The following SORCS1 variants were observed in gnomAD, a reference collection of about 807,000 sequenced individuals.
The protein encoded by SORCS1 is VPS10 domain-containing receptor SorCS1.
Under a neutral mutation model 146.1 loss-of-function variants are expected in SORCS1, and 60 were observed. The observed-to-expected ratio is 0.41, with a 90% confidence interval of 0.33 to 0.51. The LOEUF (loss-of-function observed/expected upper bound fraction) is 0.51, where lower values mean the gene tolerates loss of function less well. Ranked by LOEUF, SORCS1 falls within the 20% of genes least tolerant of loss-of-function variation. The pLI is 0.21. For synonymous variants in SORCS1, 637 were observed against 584.0 expected (o/e 1.09, Z -1.31); for missense variants, 1,352 against 1,487.6 (o/e 0.91, Z 1.50).
At position 106,576,927 on chromosome 10, in the gene SORCS1, A is replaced by G; in HGVS notation, c.*493T>C. On this transcript the variant is annotated 3_prime_UTR_variant, in exon 26 of 26. Transcript: ENST00000263054. ...ATACATGCAGATTTCCTTGGCCTATATATGTTATGAATTTTCTACAAACAC... is the reference window on the plus strand; with the variant it reads ...ATACATGCAGATTTCCTTGGCCTATGTATGTTATGAATTTTCTACAAACAC... 1 of 234,074 alleles carries G rather than the reference A, an allele frequency of 4.3e-6. No homozygotes were observed. Among genetic ancestry groups the G allele is most frequent in the Non-Finnish European group, 8.5e-6 (1 of 117,838 alleles). 14.5% of individuals were successfully genotyped at this position (234,074 alleles called of 1,614,324 possible). A position where few individuals can be genotyped will look rare whatever the true frequency, so the allele number is the denominator to read the frequency against.
intron 17 of SORCS1, among the ~76,000 whole-genome samples, chr10:106,658,879 A>G (rs1412741472): frequency 6.6e-6 from 1 of 152,186 alleles, no homozygotes; most frequent in East Asian, 1.9e-4. Context: ...GTGGCAGCCT[A>G]GATTTCCTGA....
chr10:106,787,344 TAAC>T (rs1354575110), intron 3 of SORCS1, among the ~76,000 whole-genome samples: 1 of 152,190 alleles, frequency 6.6e-6, no homozygotes, highest in Non-Finnish European at 1.5e-5. Context: ...ATCCTTGGGC[TAAC>T]AACAACAAAA....
intron 1 of SORCS1, among the ~76,000 whole-genome samples, chr10:106,979,209 C>G (rs1296299275): frequency 1.3e-5 from 2 of 151,962 alleles, no homozygotes; most frequent in South Asian, 2.1e-4. Context: ...TGGTTTTAAA[C>G]AAAGAGAACT....
intron 9 of SORCS1, among the ~76,000 whole-genome samples, chr10:106,694,298 C>T (rs192849123): frequency 9.7e-4 from 148 of 152,238 alleles, no homozygotes; most frequent in Non-Finnish European, 1.6e-3. Context: ...GAGGAGGAGT[C>T]TTGCTCTGTC....
In SORCS1 at chr10:106,861,399, T is replaced by TA. The variant is rs35890575; in HGVS notation, c.627-31727dup. On this transcript the variant is annotated intron_variant, in intron 2 of 25. Transcript: ENST00000263054. ...TGGGGGACAGAGTGAGACTCCGCCT[T>TA]AAAAAAAAAAAAAAAAAAGAATATG... Among the ~76,000 whole-genome samples the TA allele has an allele frequency of 2.2e-3, 278 of 128,260 alleles. 3 individuals are homozygous for TA. The highest frequency in any genetic ancestry group is 3.7e-3 in the African/African-American group (126 of 33,776). 84.1% of individuals were successfully genotyped at this position (128,260 alleles called of 152,430 possible). A position where few individuals can be genotyped will look rare whatever the true frequency, so the allele number is the denominator to read the frequency against.
rs1469755905 is a variant in SORCS1, at chr10:106,926,862, C to G, written c.626+29651G>C. 4.2e-3 allele frequency among the ~76,000 whole-genome samples: 405 copies of G among 97,316 alleles called. 6 individuals are homozygous for G. Among genetic ancestry groups the G allele is most frequent in the African/African-American group, 0.018 (344 of 19,564 alleles). 63.8% of individuals were successfully genotyped at this position (97,316 alleles called of 152,430 possible). A position where few individuals can be genotyped will look rare whatever the true frequency, so the allele number is the denominator to read the frequency against. ...ACACACACACACACACACACACACA[C>G]ACACAGAGAGAGAGAGAGAGAGAGA... is the stretch of plus-strand genomic sequence containing the variant. On this transcript the variant is annotated intron_variant, in intron 2 of 25. Coordinates refer to ENST00000263054, the MANE Select transcript of SORCS1 (RefSeq NM_052918.5).
intron 5 of SORCS1, among the ~76,000 whole-genome samples, chr10:106,744,012 C>T (rs185218991): frequency 3.3e-5 from 5 of 152,288 alleles, no homozygotes; most frequent in African/African-American, 1.2e-4. Flanking sequence ...TTAGAACACA[C>T]TGTTTTGCCA....
chr10:107,091,611 C>A (rs541298961), intron 1 of SORCS1, among the ~76,000 whole-genome samples: 2 of 152,222 alleles, frequency 1.3e-5, no homozygotes, highest in South Asian at 4.2e-4. Context: ...AGACCGAGTT[C>A]ATTTGCTGCT....
intron 19 of SORCS1, among the ~76,000 whole-genome samples, chr10:106,628,726 A>G (rs1189396314): frequency 6.6e-6 from 1 of 152,194 alleles, no homozygotes; most frequent in Non-Finnish European, 1.5e-5. Flanking sequence ...AAAGGAGCAA[A>G]ACCCTAAAAG....
chr10:106,865,665 A>T (rs757637390), intron 2 of SORCS1, among the ~76,000 whole-genome samples: 1 of 151,668 alleles, frequency 6.6e-6, no homozygotes, highest in African/African-American at 2.4e-5. Flanking sequence ...CGGAGGTTGC[A>T]GTGAGCCAAG....
intron 8 of SORCS1, among the ~76,000 whole-genome samples, chr10:106,700,234 G>T (rs1238336283): frequency 6.6e-6 from 1 of 152,102 alleles, no homozygotes; most frequent in South Asian, 2.1e-4. Context: ...CCTGGGGTGG[G>T]AATTTCAAAT....
chr10:106,588,753 C>T (rs1398304869), intron 24 of SORCS1, among the ~76,000 whole-genome samples: 1 of 150,012 alleles, frequency 6.7e-6, no homozygotes, highest in East Asian at 2.0e-4. Context: ...TCCAGCTACT[C>T]CGGAGGCTGA....
chr10:107,124,036 G>A (rs1046709008), intron 1 of SORCS1, among the ~76,000 whole-genome samples: 5 of 150,848 alleles, frequency 3.3e-5, no homozygotes, highest in South Asian at 4.2e-4. Flanking sequence ...GCAGTGAGCC[G>A]AGGTCCTGCC....
chr10:106,915,811 T>A (rs1361661797), intron 2 of SORCS1, among the ~76,000 whole-genome samples: 1 of 152,206 alleles, frequency 6.6e-6, no homozygotes, highest in Non-Finnish European at 1.5e-5. Flanking sequence ...CAGAGTGTTT[T>A]GGGACACCTG....
chr10:106,912,589 G>C (rs1359083386), intron 2 of SORCS1, among the ~76,000 whole-genome samples: 1 of 152,140 alleles, frequency 6.6e-6, no homozygotes, highest in Non-Finnish European at 1.5e-5. Context: ...TTTCTGCCCT[G>C]ATTGCAAAAC....
intron 24 of SORCS1, among the ~76,000 whole-genome samples, chr10:106,596,806 A>G (rs546107072): frequency 4.5e-4 from 69 of 152,344 alleles, no homozygotes; most frequent in Non-Finnish European, 7.1e-4. Flanking sequence ...TAAATAAAGC[A>G]TGCTTCCATG....
intron 1 of SORCS1, among the ~76,000 whole-genome samples, chr10:106,995,313 C>CAA (rs369510454): frequency 0.059 from 6,961 of 118,166 alleles, 641 homozygotes; most frequent in African/African-American, 0.19. Context: ...GACTCCATCT[C>CAA]AAAAAAAAAA....
chr10:107,016,107 G>C (rs1957886257), intron 1 of SORCS1, among the ~76,000 whole-genome samples: 1 of 152,124 alleles, frequency 6.6e-6, no homozygotes, highest in South Asian at 2.1e-4. Context: ...TACCAGATAT[G>C]AATATTTTTA....
Position 107,060,102 on chromosome 10 carries a change from ATC to A in SORCS1, c.559-103524_559-103523del, listed in dbSNP as rs2134108900. Among the ~76,000 whole-genome samples, 1 of 152,124 alleles carries A rather than the reference ATC, an allele frequency of 6.6e-6. No individual in the cohort carries two copies. The highest frequency in any genetic ancestry group is 6.6e-5 in the Admixed American group (1 of 15,262). On this transcript the variant is annotated intron_variant, in intron 1 of 25. Transcript: ENST00000263054. The surrounding 1 kb of genome is among the most constrained non-coding windows in gnomAD (Gnocchi z 4.1). ...CACATAGCTGTACTCTAGCTGACAA[ATC>A]GCCTGCCAGACCTCATCACACACAC...
Sources: allele counts gnomAD v4.1 joint callset (sites outside exome capture counted in the v4.1 genomes callset), GRCh38; gene constraint gnomAD v4.1.1; non-coding constraint Gnocchi (gnomAD v3.1); transcripts MANE v1.5; gene names NCBI Gene and HGNC (gene_info 2026-07-23, HGNC 2026-07-21).